Variants in HARS2 observed in about 807,000 individuals in gnomAD.
The protein encoded by HARS2 is histidyl-tRNA synthetase 2, mitochondrial.
In HARS2, 40 loss-of-function variants were observed where a neutral mutation model predicts 62.4. The ratio of observed to expected loss-of-function variants is 0.64; its 90% CI spans 0.50 to 0.83. HARS2 has a LOEUF of 0.83. Ranked by LOEUF, HARS2 falls within the 40% of genes least tolerant of loss-of-function variation. The pLI, the probability that HARS2 is intolerant of heterozygous loss-of-function variation, is 0.00. For missense variants in HARS2, 569 were observed against 626.4 expected (o/e 0.91, Z 0.98); for synonymous variants, 228 against 227.0 (o/e 1.00, Z -0.04).
rs569958538 is a variant in HARS2, at chr5:140,697,873, C to T, written c.1315-59C>T. 2,524 of 1,563,648 alleles carry T rather than the reference C, an allele frequency of 1.6e-3. 6 individuals carry two copies. Among genetic ancestry groups the T allele is most frequent in the Non-Finnish European group, 2.0e-3 (2,305 of 1,134,534 alleles). Reference sequence around the variant, plus strand: ...TCTGGCTTTCTTGGATATCCATGTTCCTGAGGTTTGTTGCTGTGTTCACTT... The same window carrying T: ...TCTGGCTTTCTTGGATATCCATGTTTCTGAGGTTTGTTGCTGTGTTCACTT... On this transcript the variant is annotated intron_variant, in intron 11 of 12. Coordinates refer to ENST00000230771, the MANE Select transcript of HARS2 (RefSeq NM_012208.4).
chr5:140,693,548 C>G (rs1266917505), intron 1 of HARS2, 43 bp from the exon 2 acceptor site: 1 of 1,613,922 alleles, frequency 6.2e-7, no homozygotes, highest in East Asian at 2.2e-5. Context: ...CAGGTCTGGC[C>G]AGTGTCCAGA....
chr5:140,693,910 C>T (rs779195315), intron 2 of HARS2, 25 bp from the exon 3 acceptor site: 1 of 1,613,790 alleles, frequency 6.2e-7, no homozygotes, highest in South Asian at 1.1e-5. Flanking sequence ...TTTTTGTTTT[C>T]ACTATGGCTG....
In HARS2 at chr5:140,698,534, G is replaced by T. The variant is rs1291748105; in HGVS notation, c.1503G>T (p.Lys501Asn). 6.2e-7 allele frequency: 1 copy of T among 1,612,900 alleles called. No individual in the cohort carries two copies. The highest frequency in any genetic ancestry group is 2.2e-5 in the East Asian group (1 of 44,874). ...KRENFVAEIQKRLSES is the reference protein window; with the variant it reads ...KRENFVAEIQNRLSES ...AAAATTTTGTGGCTGAAATTCAGAAGCGACTGTCTGAGTCTTGATCCTTGC... is the reference window on the plus strand; with the variant it reads ...AAAATTTTGTGGCTGAAATTCAGAATCGACTGTCTGAGTCTTGATCCTTGC... The change falls in exon 13 of 13, where the codon AAG (lysine) becomes AAT (asparagine). Residue 501 changes from lysine (K) to asparagine (N), a missense_variant. Lys to Asn is a moderately conservative substitution (Grantham distance 94). Coordinates refer to ENST00000230771, the MANE Select transcript of HARS2 (RefSeq NM_012208.4).
At chr5:140,693,486 C>T in intron 1 of HARS2, 105 bp from the exon 2 acceptor site, 1 of 1,599,974 alleles carries the variant, frequency 6.3e-7, no homozygotes, top group Non-Finnish European at 8.5e-7. Flanking sequence ...CTTCCTGTTG[C>T]TCAGGGTGAA....
chr5:140,692,923 A>G (rs1020155992), intron 1 of HARS2, among the ~76,000 whole-genome samples: 1 of 151,856 alleles, frequency 6.6e-6, no homozygotes, highest in African/African-American at 2.4e-5. Context: ...TTGCTCTTTC[A>G]GTAGGAACGG....
At chr5:140,697,712 T>A (rs757211523) in intron 11 of HARS2, 27 bp downstream of exon 11, 8 of 1,502,922 alleles carry the variant, frequency 5.3e-6, no homozygotes, top group Non-Finnish European at 1.9e-6. Context: ...ATCTGAGCCA[T>A]CTGGGTATGT....
rs533472697 is a variant in HARS2 at position 140,694,266 on chromosome 5, C to T, written c.385C>T (p.Arg129Cys). 1.2e-5 allele frequency: 19 copies of T among 1,608,480 alleles called. No homozygotes were observed. The highest frequency in any genetic ancestry group is 6.7e-5 in the Admixed American group (4 of 60,018). Residue 129 changes from arginine to cysteine, a missense_variant, in exon 4 of 13, where the codon CGC becomes TGC. Coordinates refer to ENST00000230771, the MANE Select transcript of HARS2 (RefSeq NM_012208.4). ...TCAAGGTGGAGAGCTGTTGTCCCTC[C>T]GCTATGACCTTACTGTATCCTTTTG... ...KDQGGELLSL[R>C]YDLTVPFARY...
Position 140,696,132 on chromosome 5 carries a change from G to A in HARS2, c.663G>A (p.Met221Ile). ...ATGACCGGCGGATTGTGGATGGGAT[G>A]TTTGCTGTCTGTGGTGTTCCTGAAA... ...KVNDRRIVDGMFAVCGVPESK... is the reference protein window; with the variant it reads ...KVNDRRIVDGIFAVCGVPESK... Residue 221 changes from methionine to isoleucine, a missense_variant, in exon 7 of 13, where the codon ATG becomes ATA. Coordinates refer to ENST00000230771, the MANE Select transcript of HARS2 (RefSeq NM_012208.4). 6.2e-7 allele frequency: 1 copy of A among 1,613,990 alleles called. No homozygotes were observed. The highest frequency in any genetic ancestry group is 1.1e-5 in the South Asian group (1 of 91,086).
intron 7 of HARS2, 150 bp from the exon 8 acceptor site, chr5:140,696,371 T>C: frequency 1.2e-6 from 1 of 801,504 alleles, no homozygotes; most frequent in Non-Finnish European, 2.2e-6. Flanking sequence ...ACAGTGGGGA[T>C]TGTGACTGGA....
intron 1 of HARS2, among the ~76,000 whole-genome samples, chr5:140,693,223 C>G (rs1298255522): frequency 6.6e-6 from 1 of 151,472 alleles, no homozygotes; most frequent in Non-Finnish European, 1.5e-5. Context: ...GTCCCAGCTA[C>G]TCGGGAGGCT....
At position 140,691,767 on chromosome 5, in the gene HARS2, C is replaced by T. The variant is rs1759495793; in HGVS notation, c.108+11C>T. On this transcript the variant is annotated intron_variant, in intron 1 of 12. Coordinates refer to ENST00000230771, the MANE Select transcript of HARS2 (RefSeq NM_012208.4). The stretch of plus-strand genomic sequence containing the variant: ...CGTTGCCAAAGCCAGGTGAGCGAGA[C>T]AGAATTATCTCTGGTCTGTCCCAGC... 2 of 1,523,746 alleles carry T rather than the reference C, an allele frequency of 1.3e-6. No homozygotes were observed. 94.4% of individuals were successfully genotyped at this position (1,523,746 alleles called of 1,614,324 possible).
chr5:140,695,382 G>A, intron 4 of HARS2, 126 bp from the exon 5 acceptor site: 2 of 1,050,514 alleles, frequency 1.9e-6, no homozygotes, highest in South Asian at 1.3e-5. Flanking sequence ...TGGGGATAGT[G>A]GAAAAAAGGG....
In HARS2 at chr5:140,691,768, A is replaced by G. The variant is rs1401165395; in HGVS notation, c.108+12A>G. On this transcript the variant is annotated intron_variant, in intron 1 of 12. Coordinates refer to ENST00000230771, the MANE Select transcript of HARS2 (RefSeq NM_012208.4). ...GTTGCCAAAGCCAGGTGAGCGAGAC[A>G]GAATTATCTCTGGTCTGTCCCAGCA... is the stretch of plus-strand genomic sequence containing the variant. 12 of 1,523,542 alleles carry G rather than the reference A, an allele frequency of 7.9e-6. No individual in the cohort carries two copies. The highest frequency in any genetic ancestry group is 1.2e-5 in the South Asian group (1 of 83,608). The allele number at this position is 1,523,542 out of a possible 1,614,324, so 94.4% of individuals were successfully genotyped here.
In HARS2 at chr5:140,693,606, T is replaced by C. The variant is rs779982893; in HGVS notation, c.124T>C (p.Leu42=). ...RCQSQVAEAV[L]TSQLKAHQEK... ...CTTCTGCCAGGTTGCAGAGGCAGTG[T>C]TAACATCCCAACTGAAAGCACATCA... Residue 42 remains leucine, a synonymous_variant, in exon 2 of 13, where the codon TTA becomes CTA. Coordinates refer to ENST00000230771, the MANE Select transcript of HARS2 (RefSeq NM_012208.4). 3.1e-6 allele frequency: 5 copies of C among 1,614,022 alleles called. No homozygotes were observed. The Admixed American group carries it at 8.3e-5, about 27-fold the overall frequency.
Position 140,695,841 on chromosome 5 carries a change from T to C in HARS2, c.629T>C (p.Ile210Thr). 1 of 1,599,546 alleles carries C rather than the reference T, an allele frequency of 6.3e-7. No individual in the cohort carries two copies. The highest frequency in any genetic ancestry group is 8.6e-7 in the Non-Finnish European group (1 of 1,166,642). The stretch of plus-strand genomic sequence containing the variant: ...GGATTGCAGTTGGGAGACTTTCTCA[T>C]TAAGGTGAGGCCAGGGCTGAGAACT... ...LSGLQLGDFL[I>T]KVNDRRIVDG... The change falls in exon 6 of 13, where the codon ATT (isoleucine) becomes ACT (threonine). Residue 210 changes from isoleucine (I) to threonine (T), a missense_variant. Coordinates refer to ENST00000230771, the MANE Select transcript of HARS2 (RefSeq NM_012208.4).
chr5:140,693,520 A>C (rs770110046), intron 1 of HARS2, 71 bp from the exon 2 acceptor site: 1 of 1,613,198 alleles, frequency 6.2e-7, no homozygotes, highest in Admixed American at 1.7e-5. Flanking sequence ...TTGGTGGTCA[A>C]CAGGGTCAGA....
Position 140,697,611 on chromosome 5 carries a change from G to C in HARS2, c.1240G>C (p.Val414Leu). 1 of 1,614,058 alleles carries C rather than the reference G, an allele frequency of 6.2e-7. No individual in the cohort carries two copies. Among genetic ancestry groups the C allele is most frequent in the Non-Finnish European group, 8.5e-7 (1 of 1,179,946 alleles). ...KVRTTETQVF[V>L]ATPQKNFLQE... is the part of the protein sequence containing the mutation. ...GCGGACTACAGAGACTCAAGTGTTTGTGGCCACACCACAGAAGAACTTTCT... is the reference window on the plus strand; with the variant it reads ...GCGGACTACAGAGACTCAAGTGTTTCTGGCCACACCACAGAAGAACTTTCT... Residue 414 changes from valine to leucine, a missense_variant, in exon 11 of 13, where the codon GTG becomes CTG. Val to Leu is a conservative substitution (Grantham distance 32). Transcript: ENST00000230771.
rs1334701998 is a variant in HARS2, at chr5:140,694,243, A to G, written c.362A>G (p.Gln121Arg). 3 of 1,613,648 alleles carry G rather than the reference A, an allele frequency of 1.9e-6. No homozygotes were observed. Among genetic ancestry groups the G allele is most frequent in the South Asian group, 1.1e-5 (1 of 91,080 alleles). Residue 121 changes from glutamine (Q) to arginine (R), a missense_variant, in exon 4 of 13, where the codon CAA (glutamine) becomes CGA (arginine). Physicochemically the swap from Gln to Arg is conservative, Grantham distance 43 (BLOSUM62 1). Transcript: ENST00000230771. Reference protein sequence around the residue: ...DSGLMYDLKDQGGELLSLRYD... With the variant: ...DSGLMYDLKDRGGELLSLRYD... The stretch of plus-strand genomic sequence containing the variant: ...GGGCTCATGTATGATCTGAAGGATC[A>G]AGGTGGAGAGCTGTTGTCCCTCCGC...
chr5:140,696,063 G>T, intron 6 of HARS2, 40 bp from the exon 7 acceptor site: 1 of 1,391,872 alleles, frequency 7.2e-7, no homozygotes, highest in Non-Finnish European at 1.0e-6. Context: ...GAGTGGAAGG[G>T]CATTGACAAG....
Sources: gnomAD v4.1 joint callset for allele counts (sites outside exome capture counted in the v4.1 genomes callset) on GRCh38, gnomAD v4.1.1 for gene constraint, MANE v1.5 for transcripts, NCBI Gene and HGNC (gene_info 2026-07-23, HGNC 2026-07-21) for gene names.